The following PDE4D variants were observed in gnomAD, a reference collection of about 807,000 sequenced individuals.
PDE4D encodes the protein 3',5'-cyclic-AMP phosphodiesterase 4D.
In PDE4D, 24 loss-of-function variants were observed where a neutral mutation model predicts 87.4. The ratio of observed to expected loss-of-function variants is 0.27; its 90% CI spans 0.20 to 0.39. The LOEUF (loss-of-function observed/expected upper bound fraction) is 0.39. PDE4D is among the 10% of genes least tolerant of loss of function. PDE4D has a pLI of 1.00. For synonymous variants in PDE4D, 384 were observed against 383.2 expected (o/e 1.00, Z -0.02); for missense variants, 714 against 1,041.0 (o/e 0.69, Z 4.32).
chr5:59,246,092 G>T (rs200169051), intron 1 of PDE4D, among the ~76,000 whole-genome samples: 3 of 151,566 alleles, frequency 2.0e-5, no homozygotes, highest in Non-Finnish European at 4.4e-5. Context: ...ACTACACTTC[G>T]AAAATCCTTT....
intron 1 of PDE4D, among the ~76,000 whole-genome samples, chr5:59,598,035 A>C (rs1010762595): frequency 3.3e-5 from 5 of 152,164 alleles, no homozygotes; most frequent in Non-Finnish European, 7.4e-5. Context: ...AAACATGAAC[A>C]ATACACGTCC....
At chr5:60,011,447 G>A (rs1486589124) in intron 2 of PDE4D, among the ~76,000 whole-genome samples, 1 of 152,112 alleles carries the variant, frequency 6.6e-6, no homozygotes, top group African/African-American at 2.4e-5. Flanking sequence ...GGTTAAAAAT[G>A]ACTGTTATTC....
At chr5:60,204,462 G>A (rs1742280625) in intron 1 of PDE4D, among the ~76,000 whole-genome samples, 1 of 151,522 alleles carries the variant, frequency 6.6e-6, no homozygotes, top group Middle Eastern at 3.2e-3. Context: ...AAAGCAAGCA[G>A]ATATTTGTTG....
chr5:60,262,409 G>T (rs1749739819), intron 1 of PDE4D: 1 of 152,148 alleles, frequency 6.6e-6, no homozygotes, highest in African/African-American at 2.4e-5. Context: ...CTTGTTCTGG[G>T]ACCTTAGACA....
chr5:59,116,855 G>A lies in PDE4D; in HGVS notation c.808+63740C>T, dbSNP rs115591996. Among the ~76,000 whole-genome samples, 1,303 of 152,242 alleles carry A rather than the reference G, an allele frequency of 8.6e-3. 18 individuals carry two copies. Among genetic ancestry groups the A allele is most frequent in the African/African-American group, 0.029 (1,214 of 41,544 alleles). ...TTTCAGATGTGCTACTATGATAGAC[G>A]TCCCATTCCAAGTCTCCATGTTTCA... On this transcript the variant is annotated intron_variant, in intron 5 of 14. Transcript: ENST00000340635.
chr5:59,241,365 T>A (rs1757639167), intron 1 of PDE4D, among the ~76,000 whole-genome samples: 1 of 152,234 alleles, frequency 6.6e-6, no homozygotes, highest in Admixed American at 6.5e-5. Flanking sequence ...CAGCCATGGC[T>A]GAGAACTTGG....
At chr5:59,289,698 A>G (rs1222378657) in intron 1 of PDE4D, among the ~76,000 whole-genome samples, 2 of 151,974 alleles carry the variant, frequency 1.3e-5, no homozygotes, top group Admixed American at 6.6e-5. Context: ...TGCTAGAACA[A>G]TCAGACCAAA....
chr5:60,131,746 T>C, intron 2 of PDE4D, among the ~76,000 whole-genome samples: 1 of 152,156 alleles, frequency 6.6e-6, no homozygotes, highest in South Asian at 2.1e-4. Flanking sequence ...AATAAATGGT[T>C]GTTTTAAGCC....
At position 59,988,652 on chromosome 5, in the gene PDE4D, A is replaced by G. The variant is rs372592060; in HGVS notation, c.108T>C (p.Tyr36=). 1.1e-4 allele frequency: 177 copies of G among 1,599,324 alleles called. 1 individual carries two copies. In the African/African-American group the frequency reaches 2.2e-3, roughly 20 times the overall value. Reference sequence around the variant, plus strand: ...TGCGACATGAAAGTCTCCGGACAAGATAGGGTTCCATTCCGCGGAAAGGGT... The same window carrying G: ...TGCGACATGAAAGTCTCCGGACAAGGTAGGGTTCCATTCCGCGGAAAGGGT... The change falls in exon 3 of 17, where the codon TAT becomes TAC. Residue 36 remains tyrosine (Y), a synonymous_variant. Coordinates refer to the PDE4D transcript ENST00000502484.
chr5:60,233,194 CAT>C (rs968035382), intron 1 of PDE4D, among the ~76,000 whole-genome samples: 5 of 147,938 alleles, frequency 3.4e-5, no homozygotes, highest in African/African-American at 7.6e-5. Context: ...CACACACACA[CAT>C]ACACACACAC....
intron 1 of PDE4D, among the ~76,000 whole-genome samples, chr5:59,855,625 C>T (rs1745315340): frequency 6.6e-6 from 1 of 152,108 alleles, no homozygotes; most frequent in Non-Finnish European, 1.5e-5. Flanking sequence ...ATTGCTCAGG[C>T]CAATGCCTAC....
chr5:60,457,605 T>C (rs1746572881), intron 1 of PDE4D, among the ~76,000 whole-genome samples: 3 of 152,192 alleles, frequency 2.0e-5, no homozygotes, highest in South Asian at 2.1e-4. Context: ...TTTCAGTTTT[T>C]CCAGCTGTTC....
chr5:59,339,973 TG>T (rs1778428413), intron 1 of PDE4D, among the ~76,000 whole-genome samples: 1 of 152,142 alleles, frequency 6.6e-6, no homozygotes, highest in Non-Finnish European at 1.5e-5. Flanking sequence ...CAATTCTCAT[TG>T]GTGCATTAAT....
intron 2 of PDE4D, among the ~76,000 whole-genome samples, chr5:60,162,488 T>C (rs901688619): frequency 1.3e-5 from 2 of 152,040 alleles, no homozygotes; most frequent in Non-Finnish European, 2.9e-5. Flanking sequence ...TGTTTGGAGG[T>C]TTTGTGTATT....
chr5:59,315,919 G>A (rs1370293396), intron 1 of PDE4D, among the ~76,000 whole-genome samples: 2 of 152,160 alleles, frequency 1.3e-5, no homozygotes, highest in Non-Finnish European at 2.9e-5. Flanking sequence ...GGAAGAATCA[G>A]GAAATAGTAA....
chr5:59,527,639 C>T (rs1167216823), intron 1 of PDE4D, among the ~76,000 whole-genome samples: 1 of 152,154 alleles, frequency 6.6e-6, no homozygotes, highest in African/African-American at 2.4e-5. Flanking sequence ...TTATGGCCAG[C>T]TTTCCAAACC....
chr5:59,083,636 A>G (rs1423069807), intron 5 of PDE4D, among the ~76,000 whole-genome samples: 1 of 151,924 alleles, frequency 6.6e-6, no homozygotes, highest in Non-Finnish European at 1.5e-5. Context: ...ATCATACTTA[A>G]TGGTTATATT....
At chr5:59,263,827 G>A (rs1440152094) in intron 1 of PDE4D, among the ~76,000 whole-genome samples, 1 of 151,864 alleles carries the variant, frequency 6.6e-6, no homozygotes, top group Non-Finnish European at 1.5e-5. Context: ...TTTAGTAGGT[G>A]GGGGCAGGGG....
intron 1 of PDE4D, among the ~76,000 whole-genome samples, chr5:59,801,019 G>GTTGA (rs1450867285): frequency 1.3e-5 from 2 of 151,980 alleles, no homozygotes; most frequent in Non-Finnish European, 2.9e-5. Context: ...TCTTAATATT[G>GTTGA]TTGATTTCCT....
Sources: allele counts gnomAD v4.1 joint callset (sites outside exome capture counted in the v4.1 genomes callset), GRCh38; gene constraint gnomAD v4.1.1; transcripts MANE v1.5; gene names NCBI Gene and HGNC (gene_info 2026-07-23, HGNC 2026-07-21).